The following CPS1 variants were observed in gnomAD, a reference collection of about 807,000 sequenced individuals.
CPS1 encodes carbamoyl-phosphate synthase 1, also known as carbamoyl-phosphate synthase [ammonia], mitochondrial.
A neutral mutation model predicts 174.6 loss-of-function variants in CPS1; 109 were observed. The ratio of observed to expected loss-of-function variants is 0.62; its 90% confidence interval spans 0.53 to 0.73. The LOEUF (loss-of-function observed/expected upper bound fraction) is 0.73, where lower values mean the gene tolerates loss of function less well. Among genes scored for constraint, CPS1 ranks in the 30% least tolerant of loss-of-function variants. CPS1 has a pLI of 0.00. For synonymous variants in CPS1, 637 were observed against 632.0 expected (o/e 1.01, Z -0.12); for missense variants, 1,689 against 1,821.9 (o/e 0.93, Z 1.33).
chr2:210,674,902 C>T lies in CPS1; in HGVS notation c.4102C>T (p.Gln1368Ter), dbSNP rs1180519617. The change falls in exon 35 of 38, where the codon CAA becomes TAA. Residue 1368 changes from glutamine (Q) to a stop codon, truncating the protein, a stop_gained and splice_region_variant. Transcript: ENST00000233072. LOFTEE classifies it high-confidence loss of function. ...TGAATTTTGTGAAATTCCTTTTCAG[C>T]AATCATTCCGGCCAAGATTCCTTGG... is the stretch of plus-strand genomic sequence containing the variant. ...PQKGILIGIQ[Q>*]SFRPRFLGVA... The T allele has an allele frequency of 6.2e-7, 1 of 1,612,930 alleles. No individual in the cohort carries two copies. The highest frequency in any genetic ancestry group is 1.3e-5 in the African/African-American group (1 of 74,930).
At chr2:210,588,394 G>A (rs1205917606) in intron 7 of CPS1, among the ~76,000 whole-genome samples, 5 of 151,366 alleles carry the variant, frequency 3.3e-5, no homozygotes, top group Non-Finnish European at 7.4e-5. Flanking sequence ...AATGATGACT[G>A]TTCTTGTCAT....
At chr2:210,510,842 CACCAGTTAG>C (rs1334894587) in intron 1 of CPS1, among the ~76,000 whole-genome samples, 3 of 152,186 alleles carry the variant, frequency 2.0e-5, no homozygotes, top group African/African-American at 7.2e-5. Flanking sequence ...TACCATCTCA[CACCAGTTAG>C]AATGGCGATC....
In CPS1 at chr2:210,541,431, C is replaced by G. The variant is rs952599977; in HGVS notation, c.4-15288C>G. On this transcript the variant is annotated intron_variant, in intron 1 of 38. Coordinates refer to the CPS1 transcript ENST00000430249. The stretch of plus-strand genomic sequence containing the variant: ...GCTCCTTTCTATCTATAAGTTAAAG[C>G]AATGGCCTCAGCAAGCAGTACACTC... Among the ~76,000 whole-genome samples, 8 of 152,164 alleles carry G rather than the reference C, an allele frequency of 5.3e-5. No individual in the cohort carries two copies. The East Asian group carries it at 1.5e-3, about 29-fold the overall frequency.
chr2:210,604,242 A>G (rs371726928), intron 16 of CPS1, among the ~76,000 whole-genome samples: 2 of 151,882 alleles, frequency 1.3e-5, no homozygotes, highest in African/African-American at 2.4e-5. Context: ...AAGGCACATT[A>G]CAGAAAAACT....
intron 1 of CPS1, among the ~76,000 whole-genome samples, chr2:210,569,128 T>A (rs1182451691): frequency 6.6e-6 from 1 of 152,084 alleles, no homozygotes; most frequent in Non-Finnish European, 1.5e-5. Context: ...AGGCTGGAGG[T>A]GCACTAGTGC....
chr2:210,525,803 A>G (rs1243808705), intron 1 of CPS1, among the ~76,000 whole-genome samples: 1 of 128,458 alleles, frequency 7.8e-6, no homozygotes, highest in African/African-American at 3.0e-5. Flanking sequence ...AGCAAAGTAA[A>G]ATGGAGAGAG....
chr2:210,593,093 T>G, intron 11 of CPS1, 137 bp downstream of exon 11: 1 of 832,944 alleles, frequency 1.2e-6, no homozygotes, highest in Admixed American at 2.1e-5. Context: ...AACACACATT[T>G]TGTATTAAAA....
intron 16 of CPS1, among the ~76,000 whole-genome samples, chr2:210,603,609 C>G (rs760377861): frequency 7.9e-5 from 12 of 151,756 alleles, no homozygotes; most frequent in Non-Finnish European, 1.5e-4. Flanking sequence ...TACATATTCT[C>G]TATTAATTTT....
intron 1 of CPS1, among the ~76,000 whole-genome samples, chr2:210,526,763 G>A (rs185546397): frequency 1.3e-5 from 2 of 152,012 alleles, no homozygotes; most frequent in South Asian, 2.1e-4. Context: ...ATTAAGGAGA[G>A]CCTTTGAATG....
intron 1 of CPS1, among the ~76,000 whole-genome samples, chr2:210,531,627 T>G (rs1430060823): frequency 6.6e-6 from 1 of 152,072 alleles, no homozygotes; most frequent in Non-Finnish European, 1.5e-5. Context: ...GTAAAGGTCG[T>G]TTATCGGGAG....
intron 1 of CPS1, among the ~76,000 whole-genome samples, chr2:210,480,613 A>C (rs1229461754): frequency 6.6e-6 from 1 of 152,080 alleles, no homozygotes; most frequent in Non-Finnish European, 1.5e-5. Context: ...GAGACTCCAT[A>C]TCCTATATTT....
intron 1 of CPS1, among the ~76,000 whole-genome samples, chr2:210,564,559 G>T (rs1010995861): frequency 1.2e-4 from 18 of 151,998 alleles, no homozygotes; most frequent in African/African-American, 4.3e-4. Flanking sequence ...TGTATTTTTA[G>T]TAGAGACGGG....
chr2:210,584,929 G>A (rs1293009577), intron 6 of CPS1, among the ~76,000 whole-genome samples: 1 of 151,988 alleles, frequency 6.6e-6, no homozygotes, highest in Admixed American at 6.6e-5. Flanking sequence ...GCTTCTCTAC[G>A]TAGAAATCTT....
intron 1 of CPS1, among the ~76,000 whole-genome samples, chr2:210,503,097 G>A (rs1199279816): frequency 3.3e-5 from 5 of 152,162 alleles, no homozygotes; most frequent in Admixed American, 2.6e-4. Context: ...CTGTGACTAG[G>A]TGGATAATTT....
At chr2:210,629,592 G>A (rs1357976972) in intron 21 of CPS1, among the ~76,000 whole-genome samples, 1 of 151,718 alleles carries the variant, frequency 6.6e-6, no homozygotes, top group African/African-American at 2.4e-5. Context: ...TGGGATTACA[G>A]GCGTGAGCCA....
In CPS1 at chr2:210,575,407, G is replaced by A. The variant is rs142242273; in HGVS notation, c.237-939G>A. 3.5e-3 allele frequency among the ~76,000 whole-genome samples: 527 copies of A among 152,048 alleles called. 1 individual carries two copies. Among genetic ancestry groups the A allele is most frequent in the Middle Eastern group, 6.8e-3 (2 of 294 alleles). On this transcript the variant is annotated intron_variant, in intron 2 of 37. Transcript: ENST00000233072. Reference sequence around the variant, plus strand: ...AAAACCTCAATTGCAGTGTATTCCAGTGCATGGAAAAAGTGTAGATAGCTC... The same window carrying A: ...AAAACCTCAATTGCAGTGTATTCCAATGCATGGAAAAAGTGTAGATAGCTC...
intron 8 of CPS1, 41 bp downstream of exon 8, chr2:210,590,275 TG>T: frequency 6.2e-7 from 1 of 1,611,620 alleles, no homozygotes; most frequent in Non-Finnish European, 8.5e-7. Context: ...GTGTGGGAGG[TG>T]GGGGCTTCCG....
intron 1 of CPS1, among the ~76,000 whole-genome samples, chr2:210,515,761 CT>C (rs1695665347): frequency 1.3e-5 from 2 of 151,308 alleles, no homozygotes; most frequent in Admixed American, 6.6e-5. Flanking sequence ...GTTTATTTAC[CT>C]TTTTCTAGTT....
chr2:210,488,849 A>C (rs1468912193), intron 1 of CPS1, among the ~76,000 whole-genome samples: 1 of 152,294 alleles, frequency 6.6e-6, no homozygotes, highest in South Asian at 2.1e-4. Flanking sequence ...AAAAATGCTA[A>C]AGAGGTTAAT....
Sources: gnomAD v4.1 joint callset for allele counts (sites outside exome capture counted in the v4.1 genomes callset) on GRCh38, gnomAD v4.1.1 for gene constraint, MANE v1.5 for transcripts, NCBI Gene and HGNC (gene_info 2026-07-23, HGNC 2026-07-21) for gene names.